The following ATP6V1E1 variants were observed in gnomAD, a reference collection of about 807,000 sequenced individuals.
The protein encoded by ATP6V1E1 is V-type proton ATPase subunit E 1.
ATP6V1E1 carries 21 observed loss-of-function variants against 35.2 expected under a neutral mutation model. The ratio of observed to expected loss-of-function variants is 0.60; its 90% confidence interval spans 0.42 to 0.86. The LOEUF is 0.86. Among genes scored for constraint, ATP6V1E1 ranks in the 40% least tolerant of loss-of-function variants. The pLI is 0.00. For missense variants in ATP6V1E1, 183 were observed against 272.6 expected (o/e 0.67, Z 2.32); for synonymous variants, 83 against 87.8 (o/e 0.95, Z 0.30).
chr22:17,605,129 C>T (rs915686307), intron 4 of ATP6V1E1, among the ~76,000 whole-genome samples: 7 of 140,020 alleles, frequency 5.0e-5, no homozygotes, highest in African/African-American at 1.7e-4. Flanking sequence ...CGCTTGAACC[C>T]GGGTGGCGGA....
chr22:17,618,744 A>C (rs894357856), intron 2 of ATP6V1E1, among the ~76,000 whole-genome samples: 4 of 152,100 alleles, frequency 2.6e-5, no homozygotes, highest in Admixed American at 2.6e-4. Flanking sequence ...TCACACCTGT[A>C]ATCCCAGCAC....
intron 4 of ATP6V1E1, among the ~76,000 whole-genome samples, chr22:17,605,128 C>A (rs1251838072): frequency 1.4e-5 from 2 of 145,264 alleles, no homozygotes; most frequent in African/African-American, 5.3e-5. Flanking sequence ...TCGCTTGAAC[C>A]CGGGTGGCGG....
At chr22:17,598,689 G>GGA (rs1439559534) in intron 6 of ATP6V1E1, among the ~76,000 whole-genome samples, 3 of 152,114 alleles carry the variant, frequency 2.0e-5, no homozygotes, top group Non-Finnish European at 4.4e-5. Flanking sequence ...CAGATGAGGG[G>GGA]GAGACAGCAG....
At position 17,601,076 on chromosome 22, in the gene ATP6V1E1, TG is replaced by T; in HGVS notation, c.366+15del. The T allele has an allele frequency of 6.2e-7, 1 of 1,604,998 alleles. No individual in the cohort carries two copies. Among genetic ancestry groups the T allele is most frequent in the Non-Finnish European group, 8.5e-7 (1 of 1,174,360 alleles). On this transcript the variant is annotated intron_variant, in intron 5 of 8. Transcript: ENST00000253413. ...GAACTGTGGCTATCAACAGTAGATCTGGTCTATGAGGGTACCTGGAGAACCA... is the reference window on the plus strand; with the variant it reads ...GAACTGTGGCTATCAACAGTAGATCTGTCTATGAGGGTACCTGGAGAACCA...
intron 5 of ATP6V1E1, 106 bp downstream of exon 5, chr22:17,600,986 A>C (rs2057759080): frequency 1.0e-6 from 1 of 957,868 alleles, no homozygotes; most frequent in Admixed American, 2.6e-5. Flanking sequence ...AAGGAAAAAA[A>C]CTAGAGAAAT....
At chr22:17,595,994 T>C (rs897131255) in intron 7 of ATP6V1E1, among the ~76,000 whole-genome samples, 2 of 151,742 alleles carry the variant, frequency 1.3e-5, no homozygotes, top group African/African-American at 4.8e-5. Context: ...TAGCGAGGCA[T>C]GGTGGCGGGT....
chr22:17,609,226 T>G (rs546620419), intron 4 of ATP6V1E1, among the ~76,000 whole-genome samples: 1 of 151,944 alleles, frequency 6.6e-6, no homozygotes, highest in East Asian at 2.0e-4. Flanking sequence ...AATGACGGGA[T>G]CTCAGCTCAT....
At chr22:17,625,603 T>C (rs2057900080) in intron 1 of ATP6V1E1, among the ~76,000 whole-genome samples, 1 of 151,720 alleles carries the variant, frequency 6.6e-6, no homozygotes, top group African/African-American at 2.4e-5. Context: ...TCTCAGAAGA[T>C]TCATAAGACA....
chr22:17,616,084 A>G (rs1316777287), intron 2 of ATP6V1E1, among the ~76,000 whole-genome samples: 1 of 151,978 alleles, frequency 6.6e-6, no homozygotes, highest in Non-Finnish European at 1.5e-5. Context: ...GTGGTGGCTC[A>G]CGCCTGTAAT....
chr22:17,622,226 T>C (rs1234201745), intron 1 of ATP6V1E1, among the ~76,000 whole-genome samples: 2 of 152,102 alleles, frequency 1.3e-5, no homozygotes, highest in Non-Finnish European at 2.9e-5. Context: ...CACTAAAAGG[T>C]AAGCACCACT....
intron 1 of ATP6V1E1, among the ~76,000 whole-genome samples, chr22:17,622,776 G>A (rs545815046): frequency 6.6e-6 from 1 of 152,250 alleles, no homozygotes; most frequent in African/African-American, 2.4e-5. Flanking sequence ...GACCAGCCTG[G>A]CCAAGATGGA....
chr22:17,623,114 C>T, intron 1 of ATP6V1E1, among the ~76,000 whole-genome samples: 1 of 152,008 alleles, frequency 6.6e-6, no homozygotes, highest in East Asian at 1.9e-4. Context: ...CAGTGGATTC[C>T]AACTTCTGTG....
chr22:17,610,281 AAAATT>A (rs1177027043), intron 4 of ATP6V1E1, among the ~76,000 whole-genome samples: 22 of 152,350 alleles, frequency 1.4e-4, no homozygotes, highest in Non-Finnish European at 2.2e-4. Flanking sequence ...AGTGGATTAA[AAAATT>A]AAAGCAAAGA....
At chr22:17,606,379 T>C (rs911319536) in intron 4 of ATP6V1E1, among the ~76,000 whole-genome samples, 7 of 152,228 alleles carry the variant, frequency 4.6e-5, no homozygotes, top group East Asian at 3.8e-4. Flanking sequence ...TTTATGCAGA[T>C]TGAATCCTGT....
intron 2 of ATP6V1E1, 78 bp downstream of exon 2, chr22:17,619,383 T>C: frequency 7.8e-7 from 1 of 1,287,054 alleles, no homozygotes; most frequent in South Asian, 1.3e-5. Flanking sequence ...TTAAGCAGTT[T>C]TACTAACAAT....
At chr22:17,594,847 T>C (rs762911243) in intron 7 of ATP6V1E1, 43 of 319,576 alleles carry the variant, frequency 1.3e-4, no homozygotes, top group Non-Finnish European at 2.2e-4. Context: ...AGTATTTGCA[T>C]ACAACCATCA....
intron 1 of ATP6V1E1, among the ~76,000 whole-genome samples, chr22:17,625,485 A>AACCTCAGGTGATCTCAAACTCCCG (rs2057899352): frequency 6.6e-6 from 1 of 151,888 alleles, no homozygotes; most frequent in Non-Finnish European, 1.5e-5. Context: ...TCAAACTCCC[A>AACCTCAGGTGATCTCAAACTCCCG]ACCTCAGGTG....
intron 3 of ATP6V1E1, 29 bp downstream of exon 3, chr22:17,613,182 G>C (rs1468046305): frequency 3.1e-6 from 5 of 1,592,668 alleles, no homozygotes; most frequent in Non-Finnish European, 4.3e-6. Flanking sequence ...AAACTTCTTA[G>C]CTTAATACTG....
intron 4 of ATP6V1E1, among the ~76,000 whole-genome samples, chr22:17,601,463 C>T (rs113455906): frequency 7.6e-4 from 115 of 152,168 alleles, no homozygotes; most frequent in African/African-American, 2.6e-3. Context: ...TGGAAAGATG[C>T]GCGCGATGTA....
Sources: gnomAD v4.1 joint callset for allele counts (sites outside exome capture counted in the v4.1 genomes callset) on GRCh38, gnomAD v4.1.1 for gene constraint, MANE v1.5 for transcripts, NCBI Gene and HGNC (gene_info 2026-07-23, HGNC 2026-07-21) for gene names.